The following GRIN2A variants were observed in gnomAD, a reference collection of about 807,000 sequenced individuals.
The protein encoded by GRIN2A is glutamate ionotropic receptor NMDA type subunit 2A, also known as glutamate receptor ionotropic, NMDA 2A.
Under a neutral mutation model 113.4 loss-of-function variants are expected in GRIN2A, and 22 were observed. That is an observed-to-expected ratio of 0.19 (90% CI 0.14 to 0.28). The LOEUF (loss-of-function observed/expected upper bound fraction) is 0.28, where lower values mean the gene tolerates loss of function less well. GRIN2A is among the 10% of genes least tolerant of loss of function. GRIN2A has a pLI of 1.00. For synonymous variants in GRIN2A, 827 were observed against 738.4 expected (o/e 1.12, Z -1.94); for missense variants, 1,502 against 1,887.0 (o/e 0.80, Z 3.78).
intron 2 of GRIN2A, among the ~76,000 whole-genome samples, chr16:9,961,045 GC>G (rs1263065610): frequency 2.4e-4 from 36 of 152,284 alleles, no homozygotes; most frequent in Admixed American, 6.5e-4. Context: ...AAAATACTCA[GC>G]ACTATAGTAC....
intron 10 of GRIN2A, among the ~76,000 whole-genome samples, chr16:9,804,195 G>A (rs1166671923): frequency 5.9e-5 from 9 of 152,204 alleles, no homozygotes; most frequent in Non-Finnish European, 1.3e-4. Flanking sequence ...CATATTTCAA[G>A]TGCTTAATTT....
Position 9,937,295 on chromosome 16 carries a change from C to T in GRIN2A, c.1007+664G>A, listed in dbSNP as rs900573003. 9.2e-5 allele frequency among the ~76,000 whole-genome samples: 14 copies of T among 151,768 alleles called. No individual in the cohort carries two copies. The South Asian group carries it at 1.0e-3, about 11-fold the overall frequency. On this transcript the variant is annotated intron_variant, in intron 3 of 12. Transcript: ENST00000330684. ...GAAAGAATGAATAAGACCTACTATA[C>T]GATAGCATAATAGGGTGACTATAGT...
At position 10,010,562 on chromosome 16, in the gene GRIN2A, T is replaced by C. The variant is rs151335523; in HGVS notation, c.415-72011A>G. On this transcript the variant is annotated intron_variant, in intron 2 of 12. Coordinates refer to ENST00000330684, the MANE Select transcript of GRIN2A (RefSeq NM_001134407.3). ...TTGTAAAATTAAATAAGATCATGTA[T>C]AGGAACTGTTTAATATACTTCATAG... Among the ~76,000 whole-genome samples, 1,479 of 152,326 alleles carry C rather than the reference T, an allele frequency of 9.7e-3. 11 individuals are homozygous for C. The highest frequency in any genetic ancestry group is 0.016 in the Non-Finnish European group (1,076 of 68,026).
At chr16:9,901,733 G>A (rs1007209617) in intron 3 of GRIN2A, among the ~76,000 whole-genome samples, 1 of 152,196 alleles carries the variant, frequency 6.6e-6, no homozygotes, top group Non-Finnish European at 1.5e-5. Context: ...TTACAGGCAT[G>A]AGCCACCACA....
intron 2 of GRIN2A, among the ~76,000 whole-genome samples, chr16:10,101,451 G>T (rs1417505299): frequency 6.6e-6 from 1 of 152,218 alleles, no homozygotes; most frequent in African/African-American, 2.4e-5. Context: ...TCCGAGCGCC[G>T]TGGAAGAGAA....
At chr16:9,824,892 T>TAA (rs1491186204) in intron 9 of GRIN2A, among the ~76,000 whole-genome samples, 1 of 152,122 alleles carries the variant, frequency 6.6e-6, no homozygotes. Context: ...GGATGGCTCA[T>TAA]CTATTAAGTC....
At chr16:10,046,919 C>T (rs1296971003) in intron 2 of GRIN2A, among the ~76,000 whole-genome samples, 1 of 152,156 alleles carries the variant, frequency 6.6e-6, no homozygotes, top group Non-Finnish European at 1.5e-5. Context: ...ATATCAGTTG[C>T]TCTACCTTAG....
At chr16:10,094,606 T>C (rs1206315820) in intron 2 of GRIN2A, among the ~76,000 whole-genome samples, 1 of 152,028 alleles carries the variant, frequency 6.6e-6, no homozygotes, top group Non-Finnish European at 1.5e-5. Context: ...CCCACCACAA[T>C]GCCTGGCTGA....
chr16:10,141,655 G>GT (rs749885375), intron 2 of GRIN2A, among the ~76,000 whole-genome samples: 11 of 152,126 alleles, frequency 7.2e-5, no homozygotes, highest in Non-Finnish European at 1.5e-4. Context: ...GCTGCCATTG[G>GT]TTAAAAACAA....
chr16:9,818,405 G>A (rs1018581103), intron 10 of GRIN2A, among the ~76,000 whole-genome samples: 1 of 150,550 alleles, frequency 6.6e-6, no homozygotes, highest in Non-Finnish European at 1.5e-5. Flanking sequence ...AAAGAATGAT[G>A]AAAGACTTTT....
At position 9,758,150 on chromosome 16, in the gene GRIN2A, T is replaced by A. The variant is rs1286903734; in HGVS notation, c.*4999A>T. On this transcript the variant is annotated 3_prime_UTR_variant, in exon 13 of 13. Coordinates refer to ENST00000330684, the MANE Select transcript of GRIN2A (RefSeq NM_001134407.3). ...ACTTTTGGTGTGGTTCTACGAACTCTATTTTTCTAAGACCCTTCTGGGCAG... is the reference window on the plus strand; with the variant it reads ...ACTTTTGGTGTGGTTCTACGAACTCAATTTTTCTAAGACCCTTCTGGGCAG... 9.2e-6 allele frequency: 2 copies of A among 216,258 alleles called. No individual in the cohort carries two copies. Among genetic ancestry groups the A allele is most frequent in the East Asian group, 6.8e-5 (1 of 14,770 alleles). The allele number at this position is 216,258 out of a possible 1,614,324, so 13.4% of individuals were successfully genotyped here. A position where few individuals can be genotyped will look rare whatever the true frequency, so the allele number is the denominator to read the frequency against.
intron 5 of GRIN2A, among the ~76,000 whole-genome samples, chr16:9,845,507 G>A (rs948984000): frequency 2.6e-5 from 4 of 151,978 alleles, no homozygotes; most frequent in Non-Finnish European, 2.9e-5. Flanking sequence ...TTTCTTCATC[G>A]GGCCAAGTTC....
chr16:9,784,498 C>A lies in GRIN2A; in HGVS notation c.2356+13779G>T, dbSNP rs1902113394. ...AAACCATAAAAACCCTAGAAGAAAA[C>A]CTAGGCAATACCACTCAGGACATAG... On this transcript the variant is annotated intron_variant, in intron 11 of 12. Coordinates refer to ENST00000330684, the MANE Select transcript of GRIN2A (RefSeq NM_001134407.3). 2.0e-5 allele frequency among the ~76,000 whole-genome samples: 3 copies of A among 146,990 alleles called. No individual in the cohort carries two copies. In the South Asian group the frequency reaches 6.4e-4, roughly 31 times the overall value.
chr16:9,847,300 T>A (rs1039935531), intron 5 of GRIN2A, among the ~76,000 whole-genome samples: 3 of 152,080 alleles, frequency 2.0e-5, no homozygotes, highest in Non-Finnish European at 4.4e-5. Context: ...CTCACATCTA[T>A]AATCCCAGTG....
intron 4 of GRIN2A, among the ~76,000 whole-genome samples, chr16:9,874,204 G>A (rs1432181262): frequency 1.3e-5 from 2 of 152,178 alleles, no homozygotes; most frequent in Non-Finnish European, 2.9e-5. Context: ...AAGGAATATA[G>A]ACTCCAGGAA....
At chr16:9,988,902 C>A (rs553826430) in intron 2 of GRIN2A, among the ~76,000 whole-genome samples, 1 of 152,262 alleles carries the variant, frequency 6.6e-6, no homozygotes, top group South Asian at 2.1e-4. Flanking sequence ...GAGGGTCCTA[C>A]AACTAACTCT....
chr16:9,978,507 C>T (rs768826007), intron 2 of GRIN2A, among the ~76,000 whole-genome samples: 51 of 152,050 alleles, frequency 3.4e-4, no homozygotes, highest in Non-Finnish European at 5.4e-4. Context: ...TCCTCTCCTT[C>T]CCCTTCCTCC....
intron 12 of GRIN2A, among the ~76,000 whole-genome samples, chr16:9,767,541 T>TTG (rs999881648): frequency 6.6e-5 from 10 of 151,100 alleles, no homozygotes; most frequent in Admixed American, 4.6e-4. Flanking sequence ...ATTTTTCAAA[T>TTG]CCTAATTAAT....
At chr16:9,875,085 C>G (rs997642655) in intron 4 of GRIN2A, among the ~76,000 whole-genome samples, 1 of 156 alleles carries the variant, frequency 6.4e-3, no homozygotes, top group Non-Finnish European at 0.012. Flanking sequence ...TGGCCTTGAC[C>G]TATGGGCTCA....
Sources: allele counts gnomAD v4.1 joint callset (sites outside exome capture counted in the v4.1 genomes callset), GRCh38; gene constraint gnomAD v4.1.1; transcripts MANE v1.5; gene names NCBI Gene and HGNC (gene_info 2026-07-23, HGNC 2026-07-21).